The following LAMA2 variants were observed in gnomAD, a reference collection of about 807,000 sequenced individuals.
LAMA2 encodes laminin subunit alpha-2.
LAMA2 carries 269 observed loss-of-function variants against 364.8 expected under a neutral mutation model. The observed-to-expected ratio is 0.74, with a 90% CI of 0.67 to 0.82. The LOEUF (loss-of-function observed/expected upper bound fraction) is 0.82. Ranked by LOEUF, LAMA2 falls within the 40% of genes least tolerant of loss-of-function variation. The pLI, the probability that LAMA2 is intolerant of heterozygous loss-of-function variation, is 0.00. For missense variants in LAMA2, 3,807 were observed against 3,873.2 expected, an observed-to-expected ratio of 0.98 and a Z score of 0.45; for synonymous variants, 1,379 against 1,370.6, an observed-to-expected ratio of 1.01 and a Z score of -0.14.
chr6:128,922,028 C>A (rs1290229706), intron 1 of LAMA2, among the ~76,000 whole-genome samples: 1 of 152,156 alleles, frequency 6.6e-6, no homozygotes, highest in East Asian at 1.9e-4. Context: ...CCCTACAAAG[C>A]ACATGAACTC....
At chr6:128,960,343 C>CTTTTTTTTTTTTTTTTTTTTTTT (rs35955136) in intron 1 of LAMA2, among the ~76,000 whole-genome samples, 1 of 112,012 alleles carries the variant, frequency 8.9e-6, no homozygotes, top group African/African-American at 3.4e-5. Context: ...TTTTTTTTTC[C>CTTTTTTTTTTTTTTTTTTTTTTT]TTTTTTTTTT....
At chr6:129,311,781 T>G (rs1774246698) in intron 22 of LAMA2, among the ~76,000 whole-genome samples, 1 of 152,078 alleles carries the variant, frequency 6.6e-6, no homozygotes, top group Admixed American at 6.6e-5. Flanking sequence ...AAATTAAAGA[T>G]GAGAGAAATA....
At chr6:129,055,400 G>A (rs1411959731) in intron 2 of LAMA2, among the ~76,000 whole-genome samples, 1 of 151,812 alleles carries the variant, frequency 6.6e-6, no homozygotes, top group Non-Finnish European at 1.5e-5. Flanking sequence ...CACCGTGTTG[G>A]CCAGGCTGGT....
rs192021132 is a variant in LAMA2, at chr6:129,491,764, A to G, written c.7899-137A>G. ...CCTGAGAACAGCGTTTGCTTAGTGTAGAATTCCTAAGCATCCAATTTTGGC... is the reference window on the plus strand; with the variant it reads ...CCTGAGAACAGCGTTTGCTTAGTGTGGAATTCCTAAGCATCCAATTTTGGC... On this transcript the variant is annotated intron_variant, in intron 56 of 64. Coordinates refer to ENST00000421865, the MANE Select transcript of LAMA2 (RefSeq NM_000426.4). 2.9e-4 allele frequency: 204 copies of G among 714,846 alleles called. No individual in the cohort carries two copies. In the East Asian group the frequency reaches 5.0e-3, roughly 18 times the overall value. The allele number at this position is 714,846 out of a possible 1,614,324, so 44.3% of individuals were successfully genotyped here. A position where few individuals can be genotyped will look rare whatever the true frequency, so the allele number is the denominator to read the frequency against.
At chr6:129,341,682 T>C (rs1776276373) in intron 29 of LAMA2, among the ~76,000 whole-genome samples, 1 of 152,256 alleles carries the variant, frequency 6.6e-6, no homozygotes, top group Admixed American at 6.5e-5. Flanking sequence ...TAAATATAAT[T>C]CTGCTTCATG....
chr6:129,516,134 T>C, intron 64 of LAMA2, 56 bp from the exon 65 acceptor site: 1 of 1,579,742 alleles, frequency 6.3e-7, no homozygotes, highest in Non-Finnish European at 8.7e-7. Context: ...AAACATGCTC[T>C]TAATATTTGG....
At chr6:128,918,526 A>G (rs147623363) in intron 1 of LAMA2, among the ~76,000 whole-genome samples, 1 of 152,148 alleles carries the variant, frequency 6.6e-6, no homozygotes, top group Non-Finnish European at 1.5e-5. Context: ...TTCGTCTTCT[A>G]CTCCTATCCT....
At chr6:129,493,819 G>C (rs971746613) in intron 58 of LAMA2, among the ~76,000 whole-genome samples, 1 of 152,088 alleles carries the variant, frequency 6.6e-6, no homozygotes, top group Non-Finnish European at 1.5e-5. Context: ...TTTTATTCTA[G>C]CGAGTCAGAC....
At chr6:128,949,707 AT>A (rs1780693811) in intron 1 of LAMA2, among the ~76,000 whole-genome samples, 2 of 152,214 alleles carry the variant, frequency 1.3e-5, no homozygotes, top group African/African-American at 4.8e-5. Flanking sequence ...TGATTTAAAA[AT>A]GGGGTAATTC....
intron 29 of LAMA2, 89 bp from the exon 30 acceptor site, chr6:129,342,254 C>A: frequency 1.8e-6 from 2 of 1,117,630 alleles, no homozygotes; most frequent in Non-Finnish European, 2.7e-6. Flanking sequence ...TGTTCATAGA[C>A]ACACATTCAT....
At chr6:129,078,938 C>T (rs964664409) in intron 3 of LAMA2, among the ~76,000 whole-genome samples, 1 of 152,130 alleles carries the variant, frequency 6.6e-6, no homozygotes, top group Non-Finnish European at 1.5e-5. Context: ...ATAGTGTCTT[C>T]GAGATTCTTC....
chr6:129,476,761 G>A (rs1266425345), intron 53 of LAMA2, among the ~76,000 whole-genome samples: 1 of 152,066 alleles, frequency 6.6e-6, no homozygotes, highest in African/African-American at 2.4e-5. Flanking sequence ...AAAAATATAA[G>A]CAGAATTCTC....
chr6:129,289,096 T>C (rs1318950947), intron 19 of LAMA2, among the ~76,000 whole-genome samples: 1 of 152,224 alleles, frequency 6.6e-6, no homozygotes, highest in Non-Finnish European at 1.5e-5. Flanking sequence ...TAGCTTTTTG[T>C]TATTTAATAA....
intron 58 of LAMA2, among the ~76,000 whole-genome samples, chr6:129,496,232 T>C (rs1785182501): frequency 6.6e-6 from 1 of 152,176 alleles, no homozygotes; most frequent in African/African-American, 2.4e-5. Context: ...AATGTCACAA[T>C]CTCGTCTCAC....
intron 34 of LAMA2, among the ~76,000 whole-genome samples, chr6:129,376,078 C>T (rs984154925): frequency 1.3e-5 from 2 of 152,200 alleles, no homozygotes; most frequent in Non-Finnish European, 2.9e-5. Context: ...ATGTCATTCT[C>T]TTCCTTAAAT....
Position 129,144,221 on chromosome 6 carries a change from T to A in LAMA2, c.819+141T>A, listed in dbSNP as rs552732558. ...TTATTTTAGAATTGTAGATTATTAT[T>A]ATTATTATTATTTGAAATTTGACAG... On this transcript the variant is annotated intron_variant, in intron 5 of 64. Transcript: ENST00000421865. 1.2e-5 allele frequency: 7 copies of A among 596,016 alleles called. No homozygotes were observed. In the East Asian group the frequency reaches 2.1e-4, roughly 18 times the overall value. 36.9% of individuals were successfully genotyped at this position (596,016 alleles called of 1,614,324 possible).
chr6:128,983,754 A>G (rs557088784), intron 1 of LAMA2, among the ~76,000 whole-genome samples: 1 of 152,336 alleles, frequency 6.6e-6, no homozygotes, highest in African/African-American at 2.4e-5. Context: ...TTAAGACAGT[A>G]GGAAGGAGAA....
At chr6:129,420,336 C>G (rs1366588398) in intron 40 of LAMA2, among the ~76,000 whole-genome samples, 1 of 152,086 alleles carries the variant, frequency 6.6e-6, no homozygotes, top group East Asian at 1.9e-4. Flanking sequence ...ATACCAAACT[C>G]TAAATTTCTT....
chr6:128,990,182 A>G (rs1290605179), intron 1 of LAMA2, among the ~76,000 whole-genome samples: 1 of 152,174 alleles, frequency 6.6e-6, no homozygotes, highest in Non-Finnish European at 1.5e-5. Context: ...TGTTGTATAC[A>G]CTATTTGTTT....
Sources: gnomAD v4.1 joint callset for allele counts (sites outside exome capture counted in the v4.1 genomes callset) on GRCh38, gnomAD v4.1.1 for gene constraint, MANE v1.5 for transcripts, NCBI Gene and HGNC (gene_info 2026-07-23, HGNC 2026-07-21) for gene names.